Variants in P4HA3 observed in about 807,000 individuals in gnomAD.
The protein encoded by P4HA3 is prolyl 4-hydroxylase subunit alpha-3.
In P4HA3, 60 loss-of-function variants were observed where a neutral mutation model predicts 66.7. The ratio of observed to expected loss-of-function variants is 0.90; its 90% confidence interval spans 0.73 to 1.12. The LOEUF (loss-of-function observed/expected upper bound fraction) is 1.12. P4HA3 is among the 50% of genes most tolerant of loss of function. P4HA3 has a pLI of 0.00. For missense variants in P4HA3, 683 were observed against 685.8 expected (o/e 1.00, Z 0.05); for synonymous variants, 263 against 274.6 (o/e 0.96, Z 0.42).
At chr11:74,269,814 G>T in intron 10 of P4HA3, 94 bp from the exon 11 acceptor site, 1 of 1,240,162 alleles carries the variant, frequency 8.1e-7, no homozygotes, top group Non-Finnish European at 1.1e-6. Flanking sequence ...CCTTCTCATG[G>T]TCTTTTCTTC....
In P4HA3 at chr11:74,266,988, C is replaced by G; in HGVS notation, c.*260G>C. The G allele has an allele frequency of 1.0e-5, 15 of 1,461,264 alleles. No homozygotes were observed. The highest frequency in any genetic ancestry group is 1.0e-5 in the Non-Finnish European group (11 of 1,099,190). 90.5% of individuals were successfully genotyped at this position (1,461,264 alleles called of 1,614,324 possible). A position where few individuals can be genotyped will look rare whatever the true frequency, so the allele number is the denominator to read the frequency against. The stretch of plus-strand genomic sequence containing the variant: ...ACAGAGAGTATCTGAACTCCAGAAA[C>G]TTCCCTCTCAGGCCTCCACTCCCCC... On this transcript the variant is annotated 3_prime_UTR_variant, in exon 13 of 13. Coordinates refer to ENST00000331597, the MANE Select transcript of P4HA3 (RefSeq NM_182904.5).
chr11:74,282,837 A>G (rs2134755944), intron 7 of P4HA3, among the ~76,000 whole-genome samples: 1 of 152,330 alleles, frequency 6.6e-6, no homozygotes, highest in South Asian at 2.1e-4. Flanking sequence ...AACCAGTGAG[A>G]AAAAGCTTAG....
At chr11:74,268,800 C>T (rs543529077) in intron 11 of P4HA3, among the ~76,000 whole-genome samples, 3 of 152,186 alleles carry the variant, frequency 2.0e-5, no homozygotes, top group Non-Finnish European at 4.4e-5. Flanking sequence ...GACTCAAGCC[C>T]AGGTGTTCTG....
At chr11:74,286,473 C>G in intron 5 of P4HA3, 82 bp from the exon 6 acceptor site, 2 of 1,334,182 alleles carry the variant, frequency 1.5e-6, no homozygotes, top group Non-Finnish European at 2.0e-6. Flanking sequence ...TTTCCTCCAG[C>G]TTCACTGCTG....
At chr11:74,262,033 G>T (rs1437105126), downstream of P4HA3, among the ~76,000 whole-genome samples, 1 of 152,188 alleles carries the variant, frequency 6.6e-6, no homozygotes, top group Admixed American at 6.5e-5. Flanking sequence ...AACGTGATAA[G>T]CAGATGAACA....
In P4HA3 at chr11:74,268,214, G is replaced by A; in HGVS notation, c.1495C>T (p.His499Tyr). 6.2e-7 allele frequency: 1 copy of A among 1,613,970 alleles called. No individual in the cohort carries two copies. Among genetic ancestry groups the A allele is most frequent in the Non-Finnish European group, 8.5e-7 (1 of 1,179,954 alleles). ...TCACTGTCCCCTTCACCACTCCTGT[G>A]CAGGTTCCACCAAAACAGTGCTGCA... Reference protein sequence around the residue: ...RNAALFWWNLHRSGEGDSDTL... With the variant: ...RNAALFWWNLYRSGEGDSDTL... The change falls in exon 12 of 13, where the codon CAC (histidine) becomes TAC (tyrosine). Residue 499 changes from histidine to tyrosine, a missense_variant. Transcript: ENST00000331597.
At position 74,292,316 on chromosome 11, in the gene P4HA3, T is replaced by C. The variant is rs1291461519; in HGVS notation, c.718-3186A>G. On this transcript the variant is annotated intron_variant, in intron 4 of 12. Coordinates refer to ENST00000331597, the MANE Select transcript of P4HA3 (RefSeq NM_182904.5). ...ATCCCCTTTATCATTTTTTATTGTGTCTATTTGATTCTTCTCTCTTTTCTT... is the reference window on the plus strand; with the variant it reads ...ATCCCCTTTATCATTTTTTATTGTGCCTATTTGATTCTTCTCTCTTTTCTT... Among the ~76,000 whole-genome samples the C allele has an allele frequency of 4.6e-5, 7 of 152,328 alleles. No individual in the cohort carries two copies. In the East Asian group the frequency reaches 1.4e-3, roughly 29 times the overall value.
chr11:74,271,368 T>G (rs897517742), intron 10 of P4HA3, among the ~76,000 whole-genome samples: 4 of 152,146 alleles, frequency 2.6e-5, no homozygotes, highest in Non-Finnish European at 5.9e-5. Context: ...TACCTGTGGT[T>G]TTACAATATG....
chr11:74,311,168 C>A (rs1316444523), intron 1 of P4HA3, among the ~76,000 whole-genome samples: 2 of 152,156 alleles, frequency 1.3e-5, no homozygotes, highest in Non-Finnish European at 2.9e-5. Context: ...CTCGCCAACA[C>A]CTCATGCCAC....
At chr11:74,260,403 AAG>A (rs1859888824) in intron 14 of P4HA3, among the ~76,000 whole-genome samples, 1 of 152,166 alleles carries the variant, frequency 6.6e-6, no homozygotes, top group Non-Finnish European at 1.5e-5. Context: ...TTTTTGTTGC[AAG>A]AGAGTAAAAA....
At chr11:74,302,628 A>G (rs1178463844) in intron 2 of P4HA3, 36 bp from the exon 3 acceptor site, 1 of 1,569,740 alleles carries the variant, frequency 6.4e-7, no homozygotes, top group South Asian at 1.2e-5. Flanking sequence ...CCAGCATTCA[A>G]GAAACAGGAG....
chr11:74,308,737 G>T (rs1219832656), intron 1 of P4HA3, among the ~76,000 whole-genome samples: 9 of 152,028 alleles, frequency 5.9e-5, no homozygotes, highest in Admixed American at 5.9e-4. Flanking sequence ...CAAAAGTGGG[G>T]CCTAGTTTCA....
chr11:74,277,094 C>A lies in P4HA3; in HGVS notation c.1226G>T (p.Arg409Leu). ...VDPKLVTLNH[R>L]IAALTGLDVR... The stretch of plus-strand genomic sequence containing the variant: ...ATCAAGGCCTGTGAGGGCAGCAATG[C>A]GGTGGTTGAGGGTCACCAGTTTTGG... The change falls in exon 9 of 13, where the codon CGC becomes CTC. Residue 409 changes from arginine to leucine, a missense_variant. Coordinates refer to ENST00000331597, the MANE Select transcript of P4HA3 (RefSeq NM_182904.5). The A allele has an allele frequency of 1.2e-6, 2 of 1,614,086 alleles. No individual in the cohort carries two copies. Among genetic ancestry groups the A allele is most frequent in the Non-Finnish European group, 8.5e-7 (1 of 1,179,988 alleles).
Position 74,266,771 on chromosome 11 carries a change from C to T in P4HA3, c.*477G>A. 1 of 423,864 alleles carries T rather than the reference C, an allele frequency of 2.4e-6. No homozygotes were observed. 26.3% of individuals were successfully genotyped at this position (423,864 alleles called of 1,614,324 possible). A position where few individuals can be genotyped will look rare whatever the true frequency, so the allele number is the denominator to read the frequency against. ...TAATGTACCACTCATCTGGGATATG[C>T]TTCTGGGAGGGGGACACTCCCTGCT... On this transcript the variant is annotated 3_prime_UTR_variant, in exon 13 of 13. Coordinates refer to ENST00000331597, the MANE Select transcript of P4HA3 (RefSeq NM_182904.5).
chr11:74,268,521 G>T lies in P4HA3; in HGVS notation c.1468-280C>A, dbSNP rs536020527. On this transcript the variant is annotated intron_variant, in intron 11 of 12. Coordinates refer to ENST00000331597, the MANE Select transcript of P4HA3 (RefSeq NM_182904.5). ...GCTCACAAGAAACAGACATAAAACAGACCTGAACAAGACAGCATGGTGAGT... is the reference window on the plus strand; with the variant it reads ...GCTCACAAGAAACAGACATAAAACATACCTGAACAAGACAGCATGGTGAGT... Among the ~76,000 whole-genome samples the T allele has an allele frequency of 6.6e-5, 10 of 152,322 alleles. No individual in the cohort carries two copies. The South Asian group carries it at 2.1e-3, about 32-fold the overall frequency.
In P4HA3 at chr11:74,277,083, G is replaced by A. The variant is rs1383422609; in HGVS notation, c.1237C>T (p.Leu413Phe). ...GGAGGCCGGACATCAAGGCCTGTGA[G>A]GGCAGCAATGCGGTGGTTGAGGGTC... ...LVTLNHRIAA[L>F]TGLDVRPPYA... Residue 413 changes from leucine to phenylalanine, a missense_variant, in exon 9 of 13, where the codon CTC (leucine) becomes TTC (phenylalanine). By Grantham distance (22) the Leu-to-Phe change is conservative. Transcript: ENST00000331597. 6.2e-7 allele frequency: 1 copy of A among 1,614,130 alleles called. No homozygotes were observed. The highest frequency in any genetic ancestry group is 8.5e-7 in the Non-Finnish European group (1 of 1,180,010).
chr11:74,259,708 A>G (rs475326), intron 15 of P4HA3: 34,317 of 152,178 alleles, frequency 0.23, 4,262 homozygotes, highest in Non-Finnish European at 0.28. Context: ...GGCTTATTTC[A>G]TTTAGCATAA....
chr11:74,302,641 G>C, intron 2 of P4HA3, 49 bp from the exon 3 acceptor site: 2 of 1,530,118 alleles, frequency 1.3e-6, no homozygotes, highest in Non-Finnish European at 1.8e-6. Flanking sequence ...AACAGGAGTT[G>C]GGCATTTAAT....
chr11:74,262,652 C>A (rs1859926099), downstream of P4HA3, among the ~76,000 whole-genome samples: 1 of 152,174 alleles, frequency 6.6e-6, no homozygotes, highest in African/African-American at 2.4e-5. Flanking sequence ...TGATCCATGG[C>A]AAAGAGTAGG....
Sources: gnomAD v4.1 joint callset for allele counts (sites outside exome capture counted in the v4.1 genomes callset) on GRCh38, gnomAD v4.1.1 for gene constraint, MANE v1.5 for transcripts, NCBI Gene and HGNC (gene_info 2026-07-23, HGNC 2026-07-21) for gene names.